The following LAMP3 variants were observed in gnomAD, a reference collection of about 807,000 sequenced individuals.
LAMP3 encodes the protein lysosome associated membrane protein 3, also known as lysosome-associated membrane glycoprotein 3.
In LAMP3, 26 loss-of-function variants were observed where a neutral mutation model predicts 34.8. The observed-to-expected ratio is 0.75, with a 90% CI of 0.55 to 1.04. The LOEUF (loss-of-function observed/expected upper bound fraction) is 1.04. LAMP3 is among the 50% of genes least tolerant of loss of function. LAMP3 has a pLI of 0.00. For synonymous variants in LAMP3, 180 were observed against 201.9 expected (o/e 0.89, Z 0.92); for missense variants, 495 against 524.0 (o/e 0.94, Z 0.54).
At chr3:183,160,011 G>T (rs188105890) in intron 1 of LAMP3, among the ~76,000 whole-genome samples, 73 of 152,278 alleles carry the variant, frequency 4.8e-4, no homozygotes, top group African/African-American at 1.7e-3. Context: ...CTATATGTCG[G>T]ATCCTAATGA....
intron 5 of LAMP3, among the ~76,000 whole-genome samples, chr3:183,125,187 G>A (rs1719754416): frequency 6.6e-6 from 1 of 152,126 alleles, no homozygotes; most frequent in African/African-American, 2.4e-5. Context: ...GAAGAGACTG[G>A]GAGAAAAGAG....
At position 183,154,376 on chromosome 3, in the gene LAMP3, C is replaced by T. The variant is rs777544602; in HGVS notation, c.65G>A (p.Gly22Asp). ...FASLAVILHD[G>D]SQMRAKAFPE... ...AAATGCTTTTGCTCTCATTTGACTG[C>T]CATCGTGCAAAATTACTGAAAATTA... The change falls in exon 2 of 6, where the codon GGC becomes GAC. Residue 22 changes from glycine (G) to aspartate (D), a missense_variant. Coordinates refer to ENST00000265598, the MANE Select transcript of LAMP3 (RefSeq NM_014398.4). 7 of 1,595,650 alleles carry T rather than the reference C, an allele frequency of 4.4e-6. No homozygotes were observed. Among genetic ancestry groups the T allele is most frequent in the South Asian group, 1.1e-5 (1 of 87,664 alleles).
intron 3 of LAMP3, among the ~76,000 whole-genome samples, chr3:183,147,135 C>T (rs562844722): frequency 3.3e-5 from 5 of 151,796 alleles, no homozygotes; most frequent in African/African-American, 4.8e-5. Flanking sequence ...CCCAGCTACT[C>T]GGGGGACTGA....
chr3:183,163,102 C>T (rs1721029631), upstream of LAMP3, among the ~76,000 whole-genome samples: 1 of 151,838 alleles, frequency 6.6e-6, no homozygotes, highest in Admixed American at 6.6e-5. Context: ...GGATTACAGG[C>T]ATGCACCACC....
intron 3 of LAMP3, among the ~76,000 whole-genome samples, chr3:183,151,354 C>G (rs1720624482): frequency 6.6e-6 from 1 of 152,060 alleles, no homozygotes; most frequent in Non-Finnish European, 1.5e-5. Flanking sequence ...AGACATTTGC[C>G]TGTTTCAATC....
chr3:183,160,378 C>A (rs1319881514), intron 1 of LAMP3, among the ~76,000 whole-genome samples: 1 of 152,210 alleles, frequency 6.6e-6, no homozygotes, highest in African/African-American at 2.4e-5. Context: ...AGAGCCTGAA[C>A]CCCAAGGCCA....
intron 1 of LAMP3, among the ~76,000 whole-genome samples, chr3:183,158,673 T>C (rs1317360946): frequency 6.6e-6 from 1 of 152,106 alleles, no homozygotes; most frequent in East Asian, 1.9e-4. Flanking sequence ...GTCAGTGATC[T>C]CACAAGGGAT....
At chr3:183,131,448 C>T (rs1362644745) in intron 5 of LAMP3, among the ~76,000 whole-genome samples, 2 of 152,202 alleles carry the variant, frequency 1.3e-5, no homozygotes, top group African/African-American at 2.4e-5. Context: ...CACAGCTCTC[C>T]AAAGCCAAGC....
rs547178719 is a variant in LAMP3, at chr3:183,155,817, G to GA, written c.50-1427dup. On this transcript the variant is annotated intron_variant, in intron 1 of 5. Transcript: ENST00000265598. ...AGTGTTCAGTAAATATGGGTCGAAC[G>GA]AAAAAATGACAGAATGTGTTAATGA... 2.6e-5 allele frequency among the ~76,000 whole-genome samples: 4 copies of GA among 152,190 alleles called. No homozygotes were observed. In the South Asian group the frequency reaches 8.3e-4, roughly 32 times the overall value.
intron 1 of LAMP3, chr3:183,158,223 C>G (rs780950442): frequency 2.0e-5 from 3 of 152,142 alleles, no homozygotes; most frequent in Non-Finnish European, 4.4e-5. Context: ...GAGAGCTACT[C>G]TATAATGTAT....
intron 3 of LAMP3, among the ~76,000 whole-genome samples, chr3:183,141,591 G>C (rs1297992902): frequency 6.6e-6 from 1 of 152,202 alleles, no homozygotes; most frequent in African/African-American, 2.4e-5. Flanking sequence ...AGTCATTAGA[G>C]AAACTTAACA....
At chr3:183,154,413 T>A (rs1260558653) in intron 1 of LAMP3, 22 bp from the exon 2 acceptor site, 33 of 1,549,566 alleles carry the variant, frequency 2.1e-5, no homozygotes, top group Admixed American at 3.8e-5. Context: ...GAAATAAAAG[T>A]GTTAAAAACA....
rs58229572 is a variant in LAMP3 at position 183,140,410 on chromosome 3, C to CAA, written c.946+126_946+127dup. ...TGGGAAACAGAGCAAGACTCCATCT[C>CAA]AAAAAAAAAAAAAAAAAAAAAAAAA... On this transcript the variant is annotated intron_variant, in intron 4 of 5. Coordinates refer to ENST00000265598, the MANE Select transcript of LAMP3 (RefSeq NM_014398.4). The CAA allele has an allele frequency of 7.0e-4, 137 of 194,432 alleles. 10 individuals are homozygous for CAA. The highest frequency in any genetic ancestry group is 3.7e-3 in the African/African-American group (49 of 13,230). The allele number at this position is 194,432 out of a possible 1,614,324, so 12.0% of individuals were successfully genotyped here.
chr3:183,124,508 G>T (rs1209823061), intron 5 of LAMP3, among the ~76,000 whole-genome samples: 1 of 152,098 alleles, frequency 6.6e-6, no homozygotes, highest in Admixed American at 6.5e-5. Context: ...GTCACTCCAG[G>T]CATACTCCCT....
Position 183,134,026 on chromosome 3 carries a change from A to G in LAMP3, c.1117+1691T>C, listed in dbSNP as rs371052222. Among the ~76,000 whole-genome samples, 23 of 152,344 alleles carry G rather than the reference A, an allele frequency of 1.5e-4. 1 individual carries two copies. In the South Asian group the frequency reaches 4.6e-3, roughly 30 times the overall value. On this transcript the variant is annotated intron_variant, in intron 5 of 5. Transcript: ENST00000265598. ...CACATGTGTCTTTTAAACACCATAT[A>G]GTATGGTAACTTGCTCCTCTTTTCC...
intron 5 of LAMP3, among the ~76,000 whole-genome samples, chr3:183,125,732 CT>C (rs1210107397): frequency 1.3e-5 from 2 of 152,234 alleles, no homozygotes; most frequent in Admixed American, 1.3e-4. Context: ...GTACATGAAA[CT>C]TTGTTACTTA....
chr3:183,145,716 G>A (rs141705475), intron 3 of LAMP3, among the ~76,000 whole-genome samples: 3 of 152,232 alleles, frequency 2.0e-5, no homozygotes, highest in African/African-American at 7.2e-5. Flanking sequence ...AATGAGCAGG[G>A]TGTGGTGGTG....
In LAMP3 at chr3:183,123,195, G is replaced by C. The variant is rs1719708133; in HGVS notation, c.*886C>G. ...CAAGATAAAAAATATAAGCTGATTT[G>C]TTCTTTTTGTTGGTTTTACATAAAA... On this transcript the variant is annotated 3_prime_UTR_variant, in exon 6 of 6. Transcript: ENST00000265598. 1 of 152,112 alleles carries C rather than the reference G, an allele frequency of 6.6e-6. No individual in the cohort carries two copies. Among genetic ancestry groups the C allele is most frequent in the African/African-American group, 2.4e-5 (1 of 41,426 alleles). The allele number at this position is 152,112 out of a possible 1,614,324, so 9.4% of individuals were successfully genotyped here.
intron 5 of LAMP3, among the ~76,000 whole-genome samples, chr3:183,130,284 G>A (rs929969181): frequency 1.1e-4 from 17 of 148,980 alleles, no homozygotes; most frequent in Admixed American, 4.8e-4. Flanking sequence ...TCAGCCTCCC[G>A]AGTAGCTGGG....
Sources: gnomAD v4.1 joint callset for allele counts (sites outside exome capture counted in the v4.1 genomes callset) on GRCh38, gnomAD v4.1.1 for gene constraint, MANE v1.5 for transcripts, NCBI Gene and HGNC (gene_info 2026-07-23, HGNC 2026-07-21) for gene names.